The following LRRTM4 variants were observed in gnomAD, a reference collection of about 807,000 sequenced individuals.
LRRTM4 encodes leucine-rich repeat transmembrane neuronal protein 4.
A neutral mutation model predicts 47.6 loss-of-function variants in LRRTM4; 25 were observed. That is an observed-to-expected ratio of 0.53 (90% confidence interval 0.38 to 0.73). The LOEUF (loss-of-function observed/expected upper bound fraction) is 0.73. Among genes scored for constraint, LRRTM4 ranks in the 30% least tolerant of loss-of-function variants. The pLI is 0.00. For synonymous variants in LRRTM4, 311 were observed against 269.5 expected (o/e 1.15, Z -1.51); for missense variants, 638 against 713.4 (o/e 0.89, Z 1.20).
At chr2:77,067,512 T>C (rs1020573243) in intron 3 of LRRTM4, among the ~76,000 whole-genome samples, 2 of 151,840 alleles carry the variant, frequency 1.3e-5, no homozygotes, top group Non-Finnish European at 2.9e-5. Flanking sequence ...TAGATACAAC[T>C]AACAAATTTT....
At position 76,830,515 on chromosome 2, in the gene LRRTM4, CGTGTGTGTGTGTGTGTGTGTGTGT is replaced by C. The variant is rs57566911; in HGVS notation, c.1552-81623_1552-81600del. 3.7e-4 allele frequency among the ~76,000 whole-genome samples: 54 copies of C among 144,088 alleles called. No homozygotes were observed. In the South Asian group the frequency reaches 0.012, roughly 31 times the overall value. 94.5% of individuals were successfully genotyped at this position (144,088 alleles called of 152,430 possible). ...AGTTGTCTATGTGTGGCAGTGTGTG[CGTGTGTGTGTGTGTGTGTGTGTGT>C]GTGTGTGTTTCTGCACTAGTGACCC... On this transcript the variant is annotated intron_variant, in intron 3 of 3. Coordinates refer to ENST00000409884, the MANE Select transcript of LRRTM4 (RefSeq NM_001134745.3).
intron 3 of LRRTM4, among the ~76,000 whole-genome samples, chr2:77,404,723 G>A (rs1458146017): frequency 1.3e-5 from 2 of 151,850 alleles, no homozygotes; most frequent in Non-Finnish European, 2.9e-5. Flanking sequence ...CATAACCCTT[G>A]AATTTCTATG....
intron 3 of LRRTM4, among the ~76,000 whole-genome samples, chr2:77,007,545 G>A (rs1360798998): frequency 6.6e-6 from 1 of 152,130 alleles, no homozygotes; most frequent in Non-Finnish European, 1.5e-5. Context: ...TAATTACAAG[G>A]TCTGAGAAAG....
intron 3 of LRRTM4, among the ~76,000 whole-genome samples, chr2:76,926,812 TGTA>T (rs1239395857): frequency 6.6e-6 from 1 of 152,122 alleles, no homozygotes; most frequent in African/African-American, 2.4e-5. Flanking sequence ...TTATCCAGGC[TGTA>T]GTATTCTGTT....
At chr2:76,819,610 G>A (rs950674478) in intron 3 of LRRTM4, among the ~76,000 whole-genome samples, 1 of 151,700 alleles carries the variant, frequency 6.6e-6, no homozygotes, top group African/African-American at 2.4e-5. Context: ...GAATAAAATT[G>A]GAAATCAAAG....
At chr2:77,089,771 A>G (rs1298575786) in intron 3 of LRRTM4, among the ~76,000 whole-genome samples, 2 of 152,074 alleles carry the variant, frequency 1.3e-5, no homozygotes, top group South Asian at 4.2e-4. Flanking sequence ...CCCCAATACA[A>G]ACTCGACAGT....
chr2:77,056,993 A>G (rs769121187), intron 3 of LRRTM4, among the ~76,000 whole-genome samples: 28 of 152,306 alleles, frequency 1.8e-4, no homozygotes, highest in Non-Finnish European at 2.6e-4. Context: ...TGGTAAATAA[A>G]GTTTTATGGT....
chr2:77,500,524 C>A, intron 3 of LRRTM4, among the ~76,000 whole-genome samples: 1 of 151,354 alleles, frequency 6.6e-6, no homozygotes, highest in African/African-American at 2.4e-5. Context: ...ATATTAGAAA[C>A]AAAAATCATA....
chr2:76,909,953 C>T (rs1310800987), intron 3 of LRRTM4, among the ~76,000 whole-genome samples: 1 of 152,142 alleles, frequency 6.6e-6, no homozygotes, highest in Non-Finnish European at 1.5e-5. Context: ...CCTCAGGGAT[C>T]TAGAACTAGA....
intron 3 of LRRTM4, among the ~76,000 whole-genome samples, chr2:77,487,058 T>C (rs1573481182): frequency 6.6e-6 from 1 of 152,026 alleles, no homozygotes; most frequent in East Asian, 1.9e-4. Flanking sequence ...TAAATAGAAG[T>C]AATGGCAGCA....
rs569128537 is a variant in LRRTM4 at position 77,316,084 on chromosome 2, A to G, written c.1551+202234T>C. On this transcript the variant is annotated intron_variant, in intron 3 of 3. Coordinates refer to ENST00000409884, the MANE Select transcript of LRRTM4 (RefSeq NM_001134745.3). The stretch of plus-strand genomic sequence containing the variant: ...CAATAAAATCAACTTCTGTCTGTCC[A>G]TCTTGTCTAGTGTGATTGTTCTCTT... Among the ~76,000 whole-genome samples the G allele has an allele frequency of 3.3e-5, 5 of 152,108 alleles. No individual in the cohort carries two copies. The South Asian group carries it at 6.2e-4, about 19-fold the overall frequency.
rs573703331 is a variant in LRRTM4 at position 77,503,422 on chromosome 2, G to A, written c.1551+14896C>T. The stretch of plus-strand genomic sequence containing the variant: ...AACAAGAAATACCAGGAATAAAAAC[G>A]TGGAGAAAAGATCTTGGCTTACTTT... On this transcript the variant is annotated intron_variant, in intron 3 of 3. Coordinates refer to ENST00000409884, the MANE Select transcript of LRRTM4 (RefSeq NM_001134745.3). Among the ~76,000 whole-genome samples, 4 of 151,774 alleles carry A rather than the reference G, an allele frequency of 2.6e-5. No individual in the cohort carries two copies. In the South Asian group the frequency reaches 6.2e-4, roughly 24 times the overall value.
At chr2:77,330,385 A>G (rs1397788383) in intron 3 of LRRTM4, among the ~76,000 whole-genome samples, 1 of 152,200 alleles carries the variant, frequency 6.6e-6, no homozygotes. Flanking sequence ...GCTTTATTCA[A>G]TAGTGCTGAT....
At chr2:77,090,699 G>C (rs1380441204) in intron 3 of LRRTM4, among the ~76,000 whole-genome samples, 1 of 152,086 alleles carries the variant, frequency 6.6e-6, no homozygotes, top group Non-Finnish European at 1.5e-5. Context: ...CTGCAGCCCA[G>C]GATTCCTCCT....
intron 3 of LRRTM4, among the ~76,000 whole-genome samples, chr2:77,233,148 C>T (rs935050022): frequency 1.1e-4 from 16 of 152,120 alleles, no homozygotes; most frequent in African/African-American, 3.9e-4. Flanking sequence ...ATTAGTATTT[C>T]CAATTAAATC....
At chr2:76,845,880 G>A (rs1221616756) in intron 3 of LRRTM4, among the ~76,000 whole-genome samples, 1 of 152,038 alleles carries the variant, frequency 6.6e-6, no homozygotes, top group African/African-American at 2.4e-5. Context: ...TGGTGGGAAA[G>A]CTCTGAAAAT....
intron 3 of LRRTM4, among the ~76,000 whole-genome samples, chr2:77,349,774 C>T (rs1295214934): frequency 6.6e-6 from 1 of 152,002 alleles, no homozygotes; most frequent in African/African-American, 2.4e-5. Context: ...AAATTTCCAG[C>T]ATATATGAAA....
chr2:77,421,774 A>G (rs1674903944), intron 3 of LRRTM4, among the ~76,000 whole-genome samples: 1 of 152,176 alleles, frequency 6.6e-6, no homozygotes. Flanking sequence ...ACTCCTCATA[A>G]CAAAGAATTA....
intron 3 of LRRTM4, among the ~76,000 whole-genome samples, chr2:76,888,974 G>T (rs528141599): frequency 6.6e-6 from 1 of 151,918 alleles, no homozygotes; most frequent in Admixed American, 6.6e-5. Context: ...TCAACAAATA[G>T]CTTTGGGCTT....
Sources: gnomAD v4.1 joint callset for allele counts (sites outside exome capture counted in the v4.1 genomes callset) on GRCh38, gnomAD v4.1.1 for gene constraint, MANE v1.5 for transcripts, NCBI Gene and HGNC (gene_info 2026-07-23, HGNC 2026-07-21) for gene names.